The following MAP2K1 variants were observed in gnomAD, a reference collection of about 807,000 sequenced individuals.
MAP2K1 encodes dual specificity mitogen-activated protein kinase kinase 1.
A neutral mutation model predicts 46.3 loss-of-function variants in MAP2K1; 16 were observed. The observed-to-expected ratio is 0.35, with a 90% CI of 0.23 to 0.52. The LOEUF (loss-of-function observed/expected upper bound fraction) is 0.52, where lower values mean the gene tolerates loss of function less well. Ranked by LOEUF, MAP2K1 falls within the 20% of genes least tolerant of loss-of-function variation. The pLI is 0.94. For missense variants in MAP2K1, 263 were observed against 497.1 expected, an observed-to-expected ratio of 0.53 and a Z score of 4.48; for synonymous variants, 183 against 185.6, an observed-to-expected ratio of 0.99 and a Z score of 0.11.
At chr15:66,443,422 T>G (rs1318972841) in intron 4 of MAP2K1, 65 bp downstream of exon 4, 1 of 1,007,434 alleles carries the variant, frequency 9.9e-7, no homozygotes, top group Non-Finnish European at 1.6e-6. Flanking sequence ...CGGTAAGAAA[T>G]GGACAAGAGA....
At chr15:66,452,998 A>G (rs904862232) in intron 5 of MAP2K1, among the ~76,000 whole-genome samples, 3 of 152,172 alleles carry the variant, frequency 2.0e-5, no homozygotes, top group Admixed American at 2.0e-4. Flanking sequence ...TGTTACATGG[A>G]TGGATGGATG....
At position 66,489,699 on chromosome 15, in the gene MAP2K1, TTGTC is replaced by T; in HGVS notation, c.1023-17_1023-14del. ...CCAGTGCCAGGCAACAGCTCTTACC[TTGTC>T]TTTCTTCCTTTAAGCTTAATAAAAA... On this transcript the variant is annotated splice_polypyrimidine_tract_variant and intron_variant, in intron 9 of 10. Transcript: ENST00000307102. 1 of 1,608,396 alleles carries T rather than the reference TTGTC, an allele frequency of 6.2e-7. No homozygotes were observed. Among genetic ancestry groups the T allele is most frequent in the Non-Finnish European group, 8.5e-7 (1 of 1,174,756 alleles).
intron 7 of MAP2K1, 117 bp downstream of exon 7, chr15:66,485,308 G>C: frequency 9.6e-7 from 1 of 1,038,542 alleles, no homozygotes; most frequent in Non-Finnish European, 1.4e-6. Flanking sequence ...CTCTGTCCCT[G>C]GATGCCAGGC....
Position 66,490,829 on chromosome 15 carries a change from T to C in MAP2K1, c.*214T>C. The C allele has an allele frequency of 1.6e-6, 1 of 632,308 alleles. No individual in the cohort carries two copies. Among genetic ancestry groups the C allele is most frequent in the South Asian group, 1.7e-5 (1 of 60,140 alleles). 39.2% of individuals were successfully genotyped at this position (632,308 alleles called of 1,614,324 possible). Reference sequence around the variant, plus strand: ...ATTGTTCCCCTAAGTGGATTGGCTTTGTGCTTGGGGCTATTTGTGTGTATG... The same window carrying C: ...ATTGTTCCCCTAAGTGGATTGGCTTCGTGCTTGGGGCTATTTGTGTGTATG... On this transcript the variant is annotated 3_prime_UTR_variant, in exon 11 of 11. Transcript: ENST00000307102.
intron 1 of MAP2K1, among the ~76,000 whole-genome samples, chr15:66,420,966 CACACACATACAT>C (rs2093440565): frequency 4.7e-5 from 1 of 21,170 alleles, no homozygotes; most frequent in Non-Finnish European, 1.9e-4. Flanking sequence ...TACATATATA[CACACACATACAT>C]ACACACACAT....
intron 1 of MAP2K1, among the ~76,000 whole-genome samples, chr15:66,414,184 A>G (rs2093418822): frequency 6.6e-6 from 1 of 151,966 alleles, no homozygotes; most frequent in Admixed American, 6.6e-5. Flanking sequence ...ATGACCTCTC[A>G]TGCTAACTAC....
chr15:66,449,016 A>C (rs1473679046), intron 5 of MAP2K1, among the ~76,000 whole-genome samples: 14 of 150,756 alleles, frequency 9.3e-5, no homozygotes, highest in Non-Finnish European at 2.1e-4. Context: ...AAAAAAAAAA[A>C]AAAAAAAAAA....
intron 1 of MAP2K1, among the ~76,000 whole-genome samples, chr15:66,403,871 C>T (rs1398512047): frequency 6.6e-6 from 1 of 152,120 alleles, no homozygotes; most frequent in Non-Finnish European, 1.5e-5. Context: ...TTCATACCAC[C>T]CTTTAGTAAA....
At chr15:66,487,374 C>A in intron 8 of MAP2K1, 82 bp downstream of exon 8, 1 of 1,305,834 alleles carries the variant, frequency 7.7e-7, no homozygotes, top group South Asian at 1.2e-5. Flanking sequence ...TGCAGTGGTT[C>A]ACGCCTGTAA....
Position 66,446,527 on chromosome 15 carries a change from G to A in MAP2K1, c.568+1820G>A, listed in dbSNP as rs1891872926. ...AGTAGGAAGAGTGCTTCAGAATTTGGCACAAACTATGCCACTGGTTCTGTG... is the reference window on the plus strand; with the variant it reads ...AGTAGGAAGAGTGCTTCAGAATTTGACACAAACTATGCCACTGGTTCTGTG... On this transcript the variant is annotated intron_variant, in intron 5 of 10. Coordinates refer to ENST00000307102, the MANE Select transcript of MAP2K1 (RefSeq NM_002755.4). 3 of 183,166 alleles carry A rather than the reference G, an allele frequency of 1.6e-5. No individual in the cohort carries two copies. In the South Asian group the frequency reaches 2.9e-4, roughly 18 times the overall value. 11.3% of individuals were successfully genotyped at this position (183,166 alleles called of 1,614,324 possible). A position where few individuals can be genotyped will look rare whatever the true frequency, so the allele number is the denominator to read the frequency against.
chr15:66,404,331 A>G (rs886691672), intron 1 of MAP2K1, among the ~76,000 whole-genome samples: 13 of 152,202 alleles, frequency 8.5e-5, no homozygotes, highest in African/African-American at 3.1e-4. Context: ...CAGCCTGGGT[A>G]ACAGAGTGAG....
chr15:66,481,358 G>GT (rs895754420), intron 5 of MAP2K1, among the ~76,000 whole-genome samples: 1 of 152,142 alleles, frequency 6.6e-6, no homozygotes. Flanking sequence ...CTTATTACTT[G>GT]TTTTTTTCTG....
chr15:66,407,195 A>G (rs1356990946), intron 1 of MAP2K1, among the ~76,000 whole-genome samples: 2 of 151,928 alleles, frequency 1.3e-5, no homozygotes, highest in African/African-American at 4.9e-5. Flanking sequence ...TGGAGTCAAC[A>G]GGCCTGAATG....
chr15:66,490,027 C>G (rs572927099), intron 10 of MAP2K1: 2 of 583,556 alleles, frequency 3.4e-6, no homozygotes, highest in South Asian at 4.0e-5. Context: ...CCAGCCCACC[C>G]CCTTCATGGG....
intron 5 of MAP2K1, among the ~76,000 whole-genome samples, chr15:66,448,502 A>G (rs187145241): frequency 4.3e-4 from 66 of 152,304 alleles, no homozygotes; most frequent in Non-Finnish European, 7.8e-4. Flanking sequence ...TTGTCGGGAG[A>G]AAAGAAATAG....
At chr15:66,437,466 A>C (rs1382891713) in intron 3 of MAP2K1, among the ~76,000 whole-genome samples, 1 of 152,334 alleles carries the variant, frequency 6.6e-6, no homozygotes, top group African/African-American at 2.4e-5. Flanking sequence ...ACACTGTGCA[A>C]CTTAGGGAAT....
chr15:66,426,641 G>A (rs1427994204), intron 1 of MAP2K1, among the ~76,000 whole-genome samples: 1 of 152,134 alleles, frequency 6.6e-6, no homozygotes, highest in Non-Finnish European at 1.5e-5. Context: ...CTTTCACATT[G>A]TGGTGAAACT....
At chr15:66,417,907 C>T (rs2140548305) in intron 1 of MAP2K1, among the ~76,000 whole-genome samples, 1 of 152,248 alleles carries the variant, frequency 6.6e-6, no homozygotes, top group East Asian at 1.9e-4. Context: ...TGCTTCTGGG[C>T]ACTGGCTACT....
chr15:66,420,088 AC>A (rs1316680774), intron 1 of MAP2K1, among the ~76,000 whole-genome samples: 3 of 151,872 alleles, frequency 2.0e-5, no homozygotes, highest in Non-Finnish European at 4.4e-5. Context: ...TACTAAAAAT[AC>A]AAAAATTAGC....
Sources: gnomAD v4.1 joint callset for allele counts (sites outside exome capture counted in the v4.1 genomes callset) on GRCh38, gnomAD v4.1.1 for gene constraint, MANE v1.5 for transcripts, NCBI Gene and HGNC (gene_info 2026-07-23, HGNC 2026-07-21) for gene names.